The following NPAS3 variants were observed in gnomAD, a reference collection of about 807,000 sequenced individuals.
The protein encoded by NPAS3 is neuronal PAS domain-containing protein 3.
NPAS3 carries 14 observed loss-of-function variants against 73.1 expected under a neutral mutation model. That is an observed-to-expected ratio of 0.19 (90% CI 0.13 to 0.30). NPAS3 has a LOEUF of 0.30. Among genes scored for constraint, NPAS3 ranks in the 10% least tolerant of loss-of-function variants. NPAS3 has a pLI of 1.00. For missense variants in NPAS3, 1,096 were observed against 1,250.0 expected (o/e 0.88, Z 1.86); for synonymous variants, 620 against 541.5 (o/e 1.14, Z -2.01).
At chr14:33,750,681 C>G (rs61609015) in intron 7 of NPAS3, among the ~76,000 whole-genome samples, 4 of 152,244 alleles carry the variant, frequency 2.6e-5, no homozygotes, top group African/African-American at 9.6e-5. Flanking sequence ...TGATTTCACT[C>G]AATCATGTGG....
rs1037745140 is a variant in NPAS3, at chr14:33,108,704, T to C, written c.140+52710T>C. On this transcript the variant is annotated intron_variant, in intron 2 of 11. Transcript: ENST00000356141. ...ATTATTTTATGTGAAGTATGTGTAA[T>C]AGAGCATTAGATTTGAAAACTCTGT... Among the ~76,000 whole-genome samples the C allele has an allele frequency of 2.6e-5, 4 of 152,300 alleles. No individual in the cohort carries two copies. In the East Asian group the frequency reaches 5.8e-4, roughly 22 times the overall value.
chr14:33,449,661 CTG>C (rs892759639), intron 4 of NPAS3, among the ~76,000 whole-genome samples: 30 of 151,950 alleles, frequency 2.0e-4, no homozygotes, highest in African/African-American at 6.8e-4. Context: ...AGAGAAGAAA[CTG>C]AGAATTTAAA....
chr14:33,521,745 G>A (rs756920134), intron 4 of NPAS3, among the ~76,000 whole-genome samples: 7 of 152,186 alleles, frequency 4.6e-5, no homozygotes, highest in Middle Eastern at 3.4e-3. Flanking sequence ...TAAGGGTATT[G>A]TAGGTTAGCA....
At chr14:32,971,991 T>G (rs999646851) in intron 1 of NPAS3, among the ~76,000 whole-genome samples, 1 of 137,576 alleles carries the variant, frequency 7.3e-6, no homozygotes, top group African/African-American at 2.8e-5. Context: ...CAGGCAGGAG[T>G]GCAGTGGCGC....
At chr14:33,654,596 C>T (rs1024592971) in intron 5 of NPAS3, among the ~76,000 whole-genome samples, 5 of 152,196 alleles carry the variant, frequency 3.3e-5, no homozygotes, top group African/African-American at 1.2e-4. Flanking sequence ...CATTTAACCT[C>T]TTTAGACATT....
chr14:33,024,102 GTGTGTATATATA>G (rs900460116), intron 1 of NPAS3, among the ~76,000 whole-genome samples: 19 of 151,638 alleles, frequency 1.3e-4, no homozygotes, highest in East Asian at 7.7e-4. Context: ...ATGTATATGT[GTGTGTATATATA>G]TGTGTATATA....
chr14:33,434,188 G>A (rs547077292), intron 4 of NPAS3, among the ~76,000 whole-genome samples: 125 of 151,356 alleles, frequency 8.3e-4, no homozygotes, highest in Non-Finnish European at 1.4e-3. Flanking sequence ...GCAAAACTCC[G>A]TCTCTAAATA....
At chr14:33,570,520 C>T (rs570908194) in intron 5 of NPAS3, among the ~76,000 whole-genome samples, 2 of 152,222 alleles carry the variant, frequency 1.3e-5, no homozygotes, top group East Asian at 3.9e-4. Flanking sequence ...TAAAAAAACC[C>T]ATAATTTTTC....
At chr14:33,439,495 C>G (rs1594908787) in intron 4 of NPAS3, among the ~76,000 whole-genome samples, 1 of 152,114 alleles carries the variant, frequency 6.6e-6, no homozygotes, top group Non-Finnish European at 1.5e-5. Flanking sequence ...TCCTCAGAGC[C>G]GAGTTTCTAT....
intron 5 of NPAS3, among the ~76,000 whole-genome samples, chr14:33,598,237 G>A (rs2057302262): frequency 6.6e-6 from 1 of 152,158 alleles, no homozygotes. Flanking sequence ...CTTTTCCAAA[G>A]AAGAACTAAT....
intron 3 of NPAS3, among the ~76,000 whole-genome samples, chr14:33,292,001 T>C (rs904075600): frequency 1.3e-5 from 2 of 152,314 alleles, no homozygotes; most frequent in African/African-American, 4.8e-5. Context: ...CGGTCTAATT[T>C]CTTTGATAAA....
chr14:33,622,234 T>C (rs756684581), intron 5 of NPAS3, among the ~76,000 whole-genome samples: 5 of 152,048 alleles, frequency 3.3e-5, no homozygotes, highest in Non-Finnish European at 7.4e-5. Flanking sequence ...GTCTACTGGG[T>C]CCAAGATTGG....
At chr14:33,665,119 G>A (rs1370256865) in intron 5 of NPAS3, among the ~76,000 whole-genome samples, 3 of 152,174 alleles carry the variant, frequency 2.0e-5, no homozygotes, top group South Asian at 2.1e-4. Context: ...GATGCCCATC[G>A]ATGATAGGCT....
intron 5 of NPAS3, among the ~76,000 whole-genome samples, chr14:33,672,545 A>G (rs1444992577): frequency 1.3e-5 from 2 of 151,690 alleles, no homozygotes; most frequent in Admixed American, 6.5e-5. Flanking sequence ...TTGGAGCTCT[A>G]TTTATTTTTC....
intron 3 of NPAS3, among the ~76,000 whole-genome samples, chr14:33,349,008 G>A (rs538607844): frequency 7.8e-4 from 118 of 152,074 alleles, no homozygotes; most frequent in Non-Finnish European, 1.2e-3. Flanking sequence ...TTCCAACCAC[G>A]AGTGGGCATC....
At chr14:33,132,234 G>A (rs945127823) in intron 2 of NPAS3, among the ~76,000 whole-genome samples, 2 of 152,108 alleles carry the variant, frequency 1.3e-5, no homozygotes, top group Non-Finnish European at 2.9e-5. Context: ...AATGCTTGGT[G>A]ACTAGTTTAA....
intron 1 of NPAS3, among the ~76,000 whole-genome samples, chr14:32,991,493 C>G (rs1343106898): frequency 5.9e-5 from 9 of 152,162 alleles, no homozygotes; most frequent in Non-Finnish European, 1.3e-4. Context: ...CTGGATCTCT[C>G]ATTTATATCC....
chr14:33,003,925 T>G (rs1296851393), intron 1 of NPAS3, among the ~76,000 whole-genome samples: 1 of 152,138 alleles, frequency 6.6e-6, no homozygotes, highest in Non-Finnish European at 1.5e-5. Flanking sequence ...AGAAAGGTAT[T>G]GTAGTAAAGT....
chr14:33,464,447 C>G (rs541818628), intron 4 of NPAS3, among the ~76,000 whole-genome samples: 2 of 152,222 alleles, frequency 1.3e-5, no homozygotes, highest in South Asian at 4.2e-4. Context: ...GAGGTCCTGC[C>G]TTCTGAATTA....
Sources: allele counts gnomAD v4.1 joint callset (sites outside exome capture counted in the v4.1 genomes callset), GRCh38; gene constraint gnomAD v4.1.1; transcripts MANE v1.5; gene names NCBI Gene and HGNC (gene_info 2026-07-23, HGNC 2026-07-21).